ANKRD30BL: variants seen among roughly 807,000 people sequenced by gnomAD.
ANKRD30BL encodes putative ankyrin repeat domain-containing protein 30B-like.
A neutral mutation model predicts 18.4 loss-of-function variants in ANKRD30BL; 20 were observed. The ratio of observed to expected loss-of-function variants is 1.09; its 90% CI spans 0.77 to 1.58. The LOEUF is 1.58. Ranked by LOEUF, ANKRD30BL falls within the 40% of genes most tolerant of loss-of-function variation. ANKRD30BL has a pLI of 0.00. For missense variants in ANKRD30BL, 224 were observed against 268.6 expected, an observed-to-expected ratio of 0.83 and a Z score of 1.16; for synonymous variants, 72 against 100.9, an observed-to-expected ratio of 0.71 and a Z score of 1.72.
intron 1 of ANKRD30BL, among the ~76,000 whole-genome samples, chr2:132,221,432 C>T (rs1284365945): frequency 1.5e-5 from 2 of 134,362 alleles, no homozygotes; most frequent in Non-Finnish European, 3.1e-5. Flanking sequence ...GGATCAGCCC[C>T]CCGCCTGGCC....
intron 1 of ANKRD30BL, among the ~76,000 whole-genome samples, chr2:132,173,151 A>T (rs572304151): frequency 2.3e-4 from 35 of 151,500 alleles, no homozygotes; most frequent in Non-Finnish European, 3.8e-4. Context: ...TTTTTCTAGG[A>T]GTTTAAGGGT....
intron 1 of ANKRD30BL, among the ~76,000 whole-genome samples, chr2:132,184,690 T>C (rs1484439546): frequency 3.9e-5 from 6 of 152,140 alleles, no homozygotes; most frequent in Non-Finnish European, 8.8e-5. Context: ...AAACGCATCA[T>C]CCTATATCTT....
chr2:132,225,033 A>G (rs1679803676), intron 1 of ANKRD30BL, among the ~76,000 whole-genome samples: 1 of 151,922 alleles, frequency 6.6e-6, no homozygotes, highest in Non-Finnish European at 1.5e-5. Flanking sequence ...TGCTGTTTGC[A>G]TTCAACTCAG....
chr2:132,187,184 GTTTGTTTTTTT>G (rs1688578320), intron 1 of ANKRD30BL, among the ~76,000 whole-genome samples: 1 of 105,352 alleles, frequency 9.5e-6, no homozygotes, highest in Admixed American at 9.6e-5. Context: ...TTTTTTTTTT[GTTTGTTTTTTT>G]TTTTTTTTTT....
chr2:132,182,265 G>A (rs1363989346), intron 1 of ANKRD30BL, among the ~76,000 whole-genome samples: 3 of 151,974 alleles, frequency 2.0e-5, no homozygotes, highest in Non-Finnish European at 2.9e-5. Context: ...GGCAGATCAC[G>A]AGGTCAGGAG....
intron 1 of ANKRD30BL, among the ~76,000 whole-genome samples, chr2:132,187,199 T>G (rs1273196878): frequency 3.4e-5 from 5 of 145,704 alleles, no homozygotes; most frequent in South Asian, 2.2e-4. Flanking sequence ...TTTTTTTTTT[T>G]TTTTTTTTTT....
chr2:132,203,014 T>C (rs1679138440), intron 1 of ANKRD30BL, among the ~76,000 whole-genome samples: 1 of 152,248 alleles, frequency 6.6e-6, no homozygotes, highest in African/African-American at 2.4e-5. Context: ...AACAGTCAGT[T>C]CATAATGTAA....
intron 1 of ANKRD30BL, among the ~76,000 whole-genome samples, chr2:132,204,553 A>G (rs1450125704): frequency 1.3e-5 from 2 of 151,834 alleles, no homozygotes; most frequent in African/African-American, 4.8e-5. Context: ...AGATGCAGTT[A>G]GAAGAAAAAG....
chr2:132,185,105 C>T (rs1234484571), intron 1 of ANKRD30BL, among the ~76,000 whole-genome samples: 2 of 152,218 alleles, frequency 1.3e-5, no homozygotes, highest in East Asian at 3.9e-4. Context: ...AGCCACTGCA[C>T]CTGGCCCAAA....
At chr2:132,241,061 A>G (rs1283204326) in intron 1 of ANKRD30BL, among the ~76,000 whole-genome samples, 1 of 152,060 alleles carries the variant, frequency 6.6e-6, no homozygotes, top group East Asian at 1.9e-4. Context: ...GCTTTCATTC[A>G]ACTCACGGAG....
chr2:132,170,236 G>A (rs1369386580), intron 1 of ANKRD30BL, among the ~76,000 whole-genome samples: 1 of 152,156 alleles, frequency 6.6e-6, no homozygotes, highest in Admixed American at 6.5e-5. Context: ...TCAGCTAAAA[G>A]CTACATTCTT....
At chr2:132,249,689 T>C (rs1680600540) in intron 1 of ANKRD30BL, among the ~76,000 whole-genome samples, 1 of 152,162 alleles carries the variant, frequency 6.6e-6, no homozygotes, top group Non-Finnish European at 1.5e-5. Flanking sequence ...AAATATCCCT[T>C]TGCCGATTCT....
chr2:132,257,697 C>G (rs2104819420), exon 1 of ANKRD30BL: 1 of 154,416 alleles, frequency 6.5e-6, no homozygotes, highest in East Asian at 1.9e-4. Flanking sequence ...TCCCCACACG[C>G]CAGTCGCCCC....
chr2:132,190,692 T>C (rs1678827831), intron 1 of ANKRD30BL, among the ~76,000 whole-genome samples: 1 of 152,206 alleles, frequency 6.6e-6, no homozygotes, highest in South Asian at 2.1e-4. Context: ...GTAAACATAA[T>C]TGATCCATGC....
At chr2:132,201,514 T>TA (rs1422185540) in intron 1 of ANKRD30BL, among the ~76,000 whole-genome samples, 5 of 152,240 alleles carry the variant, frequency 3.3e-5, no homozygotes, top group African/African-American at 1.2e-4. Context: ...AAGAAGACAT[T>TA]TATGCAGGCA....
intron 1 of ANKRD30BL, among the ~76,000 whole-genome samples, chr2:132,183,189 G>A (rs1250779435): frequency 2.0e-5 from 3 of 150,296 alleles, no homozygotes; most frequent in African/African-American, 7.4e-5. Context: ...GGAGTGCAGT[G>A]GCACAAATCT....
chr2:132,198,263 C>CT (rs1558928399), intron 1 of ANKRD30BL, among the ~76,000 whole-genome samples: 76 of 132,184 alleles, frequency 5.7e-4, no homozygotes, highest in Non-Finnish European at 9.1e-4. Flanking sequence ...TACCTTCTTT[C>CT]TTTCTTTTCT....
upstream of ANKRD30BL, among the ~76,000 whole-genome samples, chr2:132,166,010 GA>G: frequency 6.6e-6 from 1 of 152,116 alleles, no homozygotes; most frequent in Admixed American, 6.5e-5. Context: ...AGTTTTCTGA[GA>G]GTTTCTCAAA....
chr2:132,191,482 C>G (rs1469538565), intron 1 of ANKRD30BL, among the ~76,000 whole-genome samples: 5 of 152,178 alleles, frequency 3.3e-5, no homozygotes, highest in Non-Finnish European at 7.4e-5. Flanking sequence ...TGATTATCCA[C>G]TTTATACTCC....
Sources: gnomAD v4.1 joint callset for allele counts (sites outside exome capture counted in the v4.1 genomes callset) on GRCh38, gnomAD v4.1.1 for gene constraint, MANE v1.5 for transcripts, NCBI Gene and HGNC (gene_info 2026-07-23, HGNC 2026-07-21) for gene names.